MSN: variants seen among roughly 807,000 people sequenced by gnomAD.
MSN encodes epididymis luminal protein 70.
In MSN, 2 loss-of-function variants were observed where a neutral mutation model predicts 48.0. That is an observed-to-expected ratio of 0.04 (90% CI 0.02 to 0.13). MSN has a LOEUF of 0.13. Among genes scored for constraint, MSN ranks in the 10% least tolerant of loss-of-function variants. MSN has a pLI of 1.00. For missense variants in MSN, 267 were observed against 470.1 expected (o/e 0.57, Z 3.99); for synonymous variants, 146 against 166.9 (o/e 0.87, Z 0.97).
chrX:65,689,285 C>T (rs961629958), intron 1 of MSN, among the ~76,000 whole-genome samples: 4 of 111,451 alleles, frequency 3.6e-5, no homozygotes, highest in Non-Finnish European at 5.6e-5. Context: ...CCCATGGGTA[C>T]GGGAATGGTG....
intron 1 of MSN, among the ~76,000 whole-genome samples, chrX:65,692,500 G>A (rs1472785216): frequency 8.9e-6 from 1 of 112,559 alleles, no homozygotes; most frequent in Non-Finnish European, 1.9e-5. Flanking sequence ...TTTTTGGAAA[G>A]TAGAATGTGA....
chrX:65,652,499 C>T (rs1335662038), intron 1 of MSN, among the ~76,000 whole-genome samples: 1 of 111,541 alleles, frequency 9.0e-6, no homozygotes, highest in Non-Finnish European at 1.9e-5. Flanking sequence ...GCTCTCATTT[C>T]TCCTGGGTCT....
chrX:65,621,644 C>T (rs1483121725), intron 1 of MSN, among the ~76,000 whole-genome samples: 2 of 111,526 alleles, frequency 1.8e-5, no homozygotes, highest in East Asian at 5.6e-4. Context: ...TGAGGATTAG[C>T]CTTCCCATTT....
chrX:65,738,822 T>A, intron 11 of MSN, 148 bp from the exon 12 acceptor site: 2 of 637,859 alleles, frequency 3.1e-6, no homozygotes, highest in South Asian at 5.8e-5. Context: ...TGCTCTTGTT[T>A]TATGGATGAA....
intron 1 of MSN, among the ~76,000 whole-genome samples, chrX:65,649,629 GC>G (rs2070724986): frequency 9.7e-6 from 1 of 103,543 alleles, no homozygotes; most frequent in Non-Finnish European, 2.0e-5. Flanking sequence ...GTGTGTATGC[GC>G]GTGTGTATAT....
intron 1 of MSN, among the ~76,000 whole-genome samples, chrX:65,681,553 G>C (rs1241522301): frequency 1.8e-5 from 2 of 112,402 alleles, no homozygotes; most frequent in Admixed American, 1.9e-4. Context: ...AGGTGTATTA[G>C]CACCTATGGG....
chrX:65,665,074 T>C (rs1173181061), upstream of MSN, among the ~76,000 whole-genome samples: 1 of 110,964 alleles, frequency 9.0e-6, no homozygotes, highest in Non-Finnish European at 1.9e-5. Flanking sequence ...AGTAGTGTCT[T>C]CAGCTACTTG....
At chrX:65,628,056 T>C (rs768275164) in intron 1 of MSN, among the ~76,000 whole-genome samples, 2 of 112,736 alleles carry the variant, frequency 1.8e-5, no homozygotes, top group South Asian at 3.6e-4. Flanking sequence ...TCCACCCTTG[T>C]GGCTTTGCAG....
At chrX:65,640,189 C>T (rs1327995398) in intron 1 of MSN, among the ~76,000 whole-genome samples, 1 of 111,838 alleles carries the variant, frequency 8.9e-6, no homozygotes, top group East Asian at 2.8e-4. Context: ...CACCACCCCA[C>T]CTCCCTGAAT....
intron 1 of MSN, among the ~76,000 whole-genome samples, chrX:65,644,783 T>C (rs2070682950): frequency 9.0e-6 from 1 of 111,728 alleles, no homozygotes; most frequent in Admixed American, 9.5e-5. Flanking sequence ...GCAGACAACA[T>C]GGCTTTTCAG....
At chrX:65,615,368 T>C (rs1284433317) in intron 1 of MSN, among the ~76,000 whole-genome samples, 1 of 108,930 alleles carries the variant, frequency 9.2e-6, no homozygotes, top group Non-Finnish European at 1.9e-5. Flanking sequence ...CAACACCTGT[T>C]GTTTCCTGAC....
chrX:65,619,202 C>T (rs1404026001), intron 1 of MSN, among the ~76,000 whole-genome samples: 2 of 102,768 alleles, frequency 1.9e-5, no homozygotes, highest in Non-Finnish European at 3.9e-5. Context: ...TTGCTCTTCT[C>T]GAGGAGTATC....
chrX:65,664,111 A>G (rs2070848130), upstream of MSN, among the ~76,000 whole-genome samples: 1 of 111,187 alleles, frequency 9.0e-6, no homozygotes, highest in African/African-American at 3.3e-5. Flanking sequence ...AAAATGTGGT[A>G]CATATACACC....
intron 2 of MSN, among the ~76,000 whole-genome samples, chrX:65,722,091 A>G (rs1287099745): frequency 1.8e-5 from 2 of 111,625 alleles, no homozygotes; most frequent in African/African-American, 6.5e-5. Flanking sequence ...AAACAAACAA[A>G]CAAAAAACGA....
chrX:65,590,162 G>T (rs917237957), intron 1 of MSN, among the ~76,000 whole-genome samples: 4 of 110,860 alleles, frequency 3.6e-5, no homozygotes, highest in Non-Finnish European at 5.7e-5. Context: ...CTACCTGCTG[G>T]GCTACTACCA....
intron 1 of MSN, among the ~76,000 whole-genome samples, chrX:65,638,747 T>G (rs1475418429): frequency 8.9e-6 from 1 of 111,822 alleles, no homozygotes. Context: ...AGAGACAGCG[T>G]TTCACCATAT....
chrX:65,628,281 AC>A (rs2070525028), intron 1 of MSN, among the ~76,000 whole-genome samples: 1 of 112,818 alleles, frequency 8.9e-6, no homozygotes. Flanking sequence ...CCAGCAGCAA[AC>A]TTTTGCTTGG....
At chrX:65,667,540 T>A, upstream of MSN, 1 of 714,039 alleles carries the variant, frequency 1.4e-6, no homozygotes, top group Middle Eastern at 7.2e-4. Flanking sequence ...GCGCCGGGCC[T>A]GGCCAGGCGG....
chrX:65,589,321 C>T (rs1035630827), intron 1 of MSN, among the ~76,000 whole-genome samples: 1 of 110,290 alleles, frequency 9.1e-6, no homozygotes, highest in Non-Finnish European at 1.9e-5. Flanking sequence ...TGCTGTATAC[C>T]GTGGCACAAC....
Sources: allele counts gnomAD v4.1 joint callset (sites outside exome capture counted in the v4.1 genomes callset), GRCh38; gene constraint gnomAD v4.1.1; transcripts MANE v1.5; gene names NCBI Gene and HGNC (gene_info 2026-07-23, HGNC 2026-07-21).